C8orf34: variants seen among roughly 807,000 people sequenced by gnomAD.
C8orf34 encodes chromosome 8 open reading frame 34.
C8orf34 carries 65 observed loss-of-function variants against 68.3 expected under a neutral mutation model. The observed-to-expected ratio is 0.95, with a 90% CI of 0.78 to 1.17. The LOEUF (loss-of-function observed/expected upper bound fraction) is 1.17. C8orf34 is among the 50% of genes most tolerant of loss of function. The probability of loss-of-function intolerance (pLI) is 0.00; values close to 1 mark genes in which losing one functional copy is unlikely to be tolerated. For synonymous variants in C8orf34, 244 were observed against 241.2 expected (o/e 1.01, Z -0.11); for missense variants, 664 against 655.4 (o/e 1.01, Z -0.14).
At chr8:68,658,166 G>T (rs1366782004) in intron 8 of C8orf34, among the ~76,000 whole-genome samples, 1 of 152,040 alleles carries the variant, frequency 6.6e-6, no homozygotes, top group African/African-American at 2.4e-5. Flanking sequence ...TTAAAAAATT[G>T]CTTCTTAAGA....
chr8:68,751,817 C>T (rs149567058), intron 10 of C8orf34, among the ~76,000 whole-genome samples: 1,532 of 150,326 alleles, frequency 0.01, 12 homozygotes, highest in Non-Finnish European at 0.014. Flanking sequence ...TTTATTATGA[C>T]GTTTGGGAAA....
chr8:68,462,500 AC>A (rs1172339144), intron 3 of C8orf34, among the ~76,000 whole-genome samples: 1 of 151,576 alleles, frequency 6.6e-6, no homozygotes, highest in Non-Finnish European at 1.5e-5. Flanking sequence ...TTTTTTCAGC[AC>A]CACACCACAC....
chr8:68,370,428 C>G (rs1201231954), intron 1 of C8orf34, among the ~76,000 whole-genome samples: 1 of 152,152 alleles, frequency 6.6e-6, no homozygotes, highest in African/African-American at 2.4e-5. Context: ...ATCCCAGTGG[C>G]AACATTTCTT....
intron 10 of C8orf34, among the ~76,000 whole-genome samples, chr8:68,755,877 G>A (rs1822839953): frequency 6.6e-6 from 1 of 151,386 alleles, no homozygotes; most frequent in South Asian, 2.1e-4. Context: ...CTGGCTAACA[G>A]GTGAAACCCC....
intron 10 of C8orf34, among the ~76,000 whole-genome samples, chr8:68,771,721 C>T (rs1479200193): frequency 6.6e-6 from 1 of 152,082 alleles, no homozygotes; most frequent in Non-Finnish European, 1.5e-5. Context: ...TCCTTCATCA[C>T]ATGTATGCAG....
chr8:68,338,585 C>T (rs941902194), intron 1 of C8orf34, among the ~76,000 whole-genome samples: 3 of 152,012 alleles, frequency 2.0e-5, no homozygotes, highest in African/African-American at 4.8e-5. Flanking sequence ...TTGGTATATC[C>T]TCTTTAACAT....
chr8:68,570,449 C>A (rs1816729352), intron 7 of C8orf34, among the ~76,000 whole-genome samples: 1 of 152,116 alleles, frequency 6.6e-6, no homozygotes, highest in Non-Finnish European at 1.5e-5. Context: ...TTGGTGCTCT[C>A]CTGTGGTTAG....
Position 68,576,019 on chromosome 8 carries a change from G to T in C8orf34, c.1105+42870G>T, listed in dbSNP as rs530279718. 2.7e-3 allele frequency among the ~76,000 whole-genome samples: 367 copies of T among 137,680 alleles called. 1 individual carries two copies. The highest frequency in any genetic ancestry group is 0.017 in the Middle Eastern group (4 of 234). The allele number at this position is 137,680 out of a possible 152,430, so 90.3% of individuals were successfully genotyped here. A position where few individuals can be genotyped will look rare whatever the true frequency, so the allele number is the denominator to read the frequency against. ...TTTTTTAATACAATTGTGTTATTTG[G>T]ACGTCAGAAATGGCTGCCAATCACA... is the stretch of plus-strand genomic sequence containing the variant. On this transcript the variant is annotated intron_variant, in intron 7 of 13. Coordinates refer to ENST00000518698, the MANE Select transcript of C8orf34 (RefSeq NM_052958.4).
At chr8:68,589,775 T>A (rs1257722186) in intron 7 of C8orf34, among the ~76,000 whole-genome samples, 5 of 104,090 alleles carry the variant, frequency 4.8e-5, no homozygotes, top group East Asian at 2.9e-4. Flanking sequence ...GAGAGAGAAA[T>A]AAGGAAGGTG....
intron 1 of C8orf34, among the ~76,000 whole-genome samples, chr8:68,394,678 C>T (rs1808617769): frequency 6.6e-6 from 1 of 151,908 alleles, no homozygotes; most frequent in Non-Finnish European, 1.5e-5. Context: ...GATTTGGAGT[C>T]ATATGGTTTA....
chr8:68,615,240 G>A (rs1168541798), intron 7 of C8orf34, among the ~76,000 whole-genome samples: 1 of 126,738 alleles, frequency 7.9e-6, no homozygotes, highest in East Asian at 2.2e-4. Context: ...TGCAAACAGG[G>A]ACAATTTGAC....
At chr8:68,597,452 A>G (rs1427831598) in intron 7 of C8orf34, among the ~76,000 whole-genome samples, 1 of 152,148 alleles carries the variant, frequency 6.6e-6, no homozygotes, top group East Asian at 1.9e-4. Context: ...AAGTGTTTAA[A>G]TTAGAAAGCA....
At chr8:68,592,424 G>A (rs10504429) in intron 7 of C8orf34, among the ~76,000 whole-genome samples, 88,300 of 151,450 alleles carry the variant, frequency 0.58, 25,920 homozygotes, top group African/African-American at 0.61. Flanking sequence ...CTTATTTTCA[G>A]AAATCTGGTT....
intron 8 of C8orf34, among the ~76,000 whole-genome samples, chr8:68,667,071 A>C (rs886337435): frequency 1.3e-5 from 2 of 152,172 alleles, no homozygotes; most frequent in Non-Finnish European, 2.9e-5. Context: ...ACAAAATATG[A>C]AAAACCTTCT....
At chr8:68,453,366 T>C (rs1193564784) in intron 3 of C8orf34, among the ~76,000 whole-genome samples, 1 of 152,014 alleles carries the variant, frequency 6.6e-6, no homozygotes, top group Non-Finnish European at 1.5e-5. Flanking sequence ...TGGATCACTT[T>C]GGAGAGTACT....
chr8:68,670,226 G>A (rs1819965862), intron 8 of C8orf34, among the ~76,000 whole-genome samples: 1 of 152,142 alleles, frequency 6.6e-6, no homozygotes, highest in Non-Finnish European at 1.5e-5. Flanking sequence ...GGCCTCAGAA[G>A]TGGCTTCAGA....
At chr8:68,535,563 C>G in intron 7 of C8orf34, 1 of 859,954 alleles carries the variant, frequency 1.2e-6, no homozygotes, top group Non-Finnish European at 1.4e-6. Context: ...TAACTATTGA[C>G]TCTTGTTTTG....
chr8:68,606,688 A>T (rs186156056), intron 7 of C8orf34, among the ~76,000 whole-genome samples: 42 of 152,124 alleles, frequency 2.8e-4, no homozygotes, highest in Admixed American at 9.2e-4. Flanking sequence ...TTTTGGGAAA[A>T]TGCTGTAATG....
intron 10 of C8orf34, among the ~76,000 whole-genome samples, chr8:68,757,517 C>T (rs1466024962): frequency 2.0e-5 from 3 of 151,996 alleles, no homozygotes; most frequent in Admixed American, 6.6e-5. Flanking sequence ...GTAGTCCCAG[C>T]TTCTGAGGCA....
Sources: gnomAD v4.1 joint callset for allele counts (sites outside exome capture counted in the v4.1 genomes callset) on GRCh38, gnomAD v4.1.1 for gene constraint, MANE v1.5 for transcripts, NCBI Gene and HGNC (gene_info 2026-07-23, HGNC 2026-07-21) for gene names.